Variants in NRXN1 observed in about 807,000 individuals in gnomAD.
NRXN1 encodes the protein neurexin 1.
In NRXN1, 39 loss-of-function variants were observed where a neutral mutation model predicts 150.9. The observed-to-expected ratio is 0.26, with a 90% CI of 0.20 to 0.34. The LOEUF (loss-of-function observed/expected upper bound fraction) is 0.34. NRXN1 is among the 10% of genes least tolerant of loss of function. The pLI, the probability that NRXN1 is intolerant of heterozygous loss-of-function variation, is 1.00. For missense variants in NRXN1, 1,815 were observed against 1,949.9 expected (o/e 0.93, Z 1.30); for synonymous variants, 924 against 757.0 (o/e 1.22, Z -3.62).
chr2:50,027,442 G>A (rs1481062222), intron 21 of NRXN1, among the ~76,000 whole-genome samples: 2 of 118,556 alleles, frequency 1.7e-5, no homozygotes, highest in African/African-American at 6.5e-5. Context: ...TCTTTCCTTT[G>A]CTCCTTCTCT....
intron 2 of NRXN1, among the ~76,000 whole-genome samples, chr2:50,944,023 G>C (rs985843790): frequency 6.6e-6 from 1 of 152,098 alleles, no homozygotes; most frequent in Non-Finnish European, 1.5e-5. Flanking sequence ...AATCAAAATT[G>C]GCTTCAGCAC....
chr2:50,746,628 C>T (rs1489213834), intron 5 of NRXN1, among the ~76,000 whole-genome samples: 1 of 152,096 alleles, frequency 6.6e-6, no homozygotes, highest in Non-Finnish European at 1.5e-5. Context: ...GTACAATTCA[C>T]AAAGGCACAT....
At chr2:50,126,502 A>T (rs1357690607) in intron 18 of NRXN1, among the ~76,000 whole-genome samples, 4 of 152,080 alleles carry the variant, frequency 2.6e-5, no homozygotes, top group Non-Finnish European at 5.9e-5. Flanking sequence ...TTTACAAAAA[A>T]AAATTTAAAA....
chr2:51,020,504 T>C (rs1031763157), intron 2 of NRXN1, among the ~76,000 whole-genome samples: 2 of 151,924 alleles, frequency 1.3e-5, no homozygotes, highest in African/African-American at 4.8e-5. Context: ...TAAAGAAATA[T>C]GATTCACATT....
intron 15 of NRXN1, among the ~76,000 whole-genome samples, chr2:50,486,973 G>C (rs1010405607): frequency 6.6e-6 from 1 of 152,098 alleles, no homozygotes; most frequent in East Asian, 1.9e-4. Context: ...CAGTACATGA[G>C]ATACGACGAA....
intron 21 of NRXN1, among the ~76,000 whole-genome samples, chr2:50,043,864 A>G (rs1434546035): frequency 6.6e-6 from 1 of 152,136 alleles, no homozygotes; most frequent in African/African-American, 2.4e-5. Flanking sequence ...TTGGTCCTGG[A>G]GTAATGTGGG....
chr2:50,986,279 AT>A (rs1361671240), intron 2 of NRXN1, among the ~76,000 whole-genome samples: 1 of 151,698 alleles, frequency 6.6e-6, no homozygotes, highest in Non-Finnish European at 1.5e-5. Flanking sequence ...TGTAACGTAA[AT>A]TGGCAGTAGT....
chr2:50,507,279 T>C (rs1573312150), intron 12 of NRXN1, among the ~76,000 whole-genome samples: 2 of 152,022 alleles, frequency 1.3e-5, no homozygotes, highest in East Asian at 3.9e-4. Context: ...CTAATTGACC[T>C]GTACGTCACA....
intron 18 of NRXN1, among the ~76,000 whole-genome samples, chr2:50,103,749 C>T (rs1013157354): frequency 6.6e-6 from 1 of 151,920 alleles, no homozygotes; most frequent in African/African-American, 2.4e-5. Context: ...TCATCCCTTC[C>T]CATTGTTTGC....
intron 12 of NRXN1, among the ~76,000 whole-genome samples, chr2:50,509,967 G>A (rs909367328): frequency 5.9e-5 from 9 of 152,082 alleles, no homozygotes; most frequent in Admixed American, 1.3e-4. Flanking sequence ...ACACCAGAGC[G>A]TCCCCTCTGC....
At chr2:50,701,938 C>CT (rs1439310934) in intron 5 of NRXN1, among the ~76,000 whole-genome samples, 3 of 152,026 alleles carry the variant, frequency 2.0e-5, no homozygotes, top group African/African-American at 7.2e-5. Context: ...TCCATTGTTG[C>CT]TTTTTCGTAT....
intron 21 of NRXN1, among the ~76,000 whole-genome samples, chr2:49,965,672 C>T (rs534059205): frequency 6.6e-6 from 1 of 152,120 alleles, no homozygotes; most frequent in Non-Finnish European, 1.5e-5. Context: ...AAAATGCTTA[C>T]AAAGCCTTTT....
intron 17 of NRXN1, among the ~76,000 whole-genome samples, chr2:50,254,486 AG>A (rs2067498949): frequency 6.6e-6 from 1 of 150,656 alleles, no homozygotes; most frequent in Non-Finnish European, 1.5e-5. Context: ...TTGGTTCTTT[AG>A]TTCTTCTAGT....
intron 2 of NRXN1, among the ~76,000 whole-genome samples, chr2:50,944,624 T>A (rs1166954779): frequency 6.6e-6 from 1 of 152,192 alleles, no homozygotes; most frequent in Non-Finnish European, 1.5e-5. Context: ...TATACTTCTA[T>A]CTGGCAAAAG....
intron 5 of NRXN1, 131 bp downstream of exon 5, chr2:50,921,738 A>T: frequency 2.5e-6 from 1 of 402,346 alleles, no homozygotes; most frequent in Non-Finnish European, 4.5e-6. Context: ...AATTTATAAA[A>T]TATTTATTAA....
intron 5 of NRXN1, among the ~76,000 whole-genome samples, chr2:50,907,577 G>A (rs1683896352): frequency 6.6e-6 from 1 of 151,970 alleles, no homozygotes; most frequent in South Asian, 2.1e-4. Context: ...TAAGAACCCT[G>A]GACCCAATGT....
At chr2:50,860,387 T>C (rs532886981) in intron 5 of NRXN1, among the ~76,000 whole-genome samples, 6 of 152,156 alleles carry the variant, frequency 3.9e-5, no homozygotes, top group African/African-American at 9.6e-5. Context: ...AGATTATATA[T>C]GATTTTAGAG....
At position 50,347,718 on chromosome 2, in the gene NRXN1, G is replaced by T; in HGVS notation, c.3365-110748C>A. ...GAAGAAGATGCAGACGAAGGAGTAA[G>T]GGAGAGAAACAGAAAAAGAAAAAGA... On this transcript the variant is annotated intron_variant, in intron 17 of 22. Coordinates refer to ENST00000401669, the MANE Select transcript of NRXN1 (RefSeq NM_001330078.2). This position sits in a 1 kb window ranked among gnomAD's most constrained non-coding sequence, Gnocchi z 4.9. 1 of 987,208 alleles carries T rather than the reference G, an allele frequency of 1.0e-6. No homozygotes were observed. The highest frequency in any genetic ancestry group is 1.2e-6 in the Non-Finnish European group (1 of 831,226). The allele number at this position is 987,208 out of a possible 1,614,324, so 61.2% of individuals were successfully genotyped here.
At chr2:50,326,167 T>C (rs531890608) in intron 17 of NRXN1, among the ~76,000 whole-genome samples, 1 of 152,328 alleles carries the variant, frequency 6.6e-6, no homozygotes, top group African/African-American at 2.4e-5. Context: ...TATTTTACGT[T>C]TGTAGTCCAA....
Sources: allele counts gnomAD v4.1 joint callset (sites outside exome capture counted in the v4.1 genomes callset), GRCh38; gene constraint gnomAD v4.1.1; non-coding constraint Gnocchi (gnomAD v3.1); transcripts MANE v1.5; gene names NCBI Gene and HGNC (gene_info 2026-07-23, HGNC 2026-07-21).